UTP4: variants seen among roughly 807,000 people sequenced by gnomAD.
The protein encoded by UTP4 is UTP4 small subunit processome component, also known as U3 small nucleolar RNA-associated protein 4 homolog.
In UTP4, 45 loss-of-function variants were observed where a neutral mutation model predicts 82.4. The ratio of observed to expected loss-of-function variants is 0.55; its 90% CI spans 0.43 to 0.70. UTP4 has a LOEUF of 0.70. UTP4 is among the 30% of genes least tolerant of loss of function. UTP4 has a pLI of 0.00. For missense variants in UTP4, 819 were observed against 858.3 expected (o/e 0.95, Z 0.57); for synonymous variants, 348 against 300.3 (o/e 1.16, Z -1.64).
chr16:69,137,997 G>A, intron 4 of UTP4, 112 bp downstream of exon 4: 1 of 756,988 alleles, frequency 1.3e-6, no homozygotes, highest in Non-Finnish European at 2.3e-6. Context: ...TATCTCTACT[G>A]GGTACAGGGA....
chr16:69,155,066 G>GA (rs139040845), intron 10 of UTP4, among the ~76,000 whole-genome samples: 3,510 of 150,930 alleles, frequency 0.023, 141 homozygotes, highest in African/African-American at 0.08. Context: ...GGTATACAAT[G>GA]AAAAAAAAAT....
intron 16 of UTP4, among the ~76,000 whole-genome samples, 192 bp from the exon 17 acceptor site, chr16:69,168,629 A>G (rs1963761979): frequency 6.6e-6 from 1 of 151,874 alleles, no homozygotes; most frequent in African/African-American, 2.4e-5. Context: ...TCTCTAAAAA[A>G]TAAAAAAAAA....
At chr16:69,159,943 C>T (rs1963520713) in intron 12 of UTP4, among the ~76,000 whole-genome samples, 1 of 151,144 alleles carries the variant, frequency 6.6e-6, no homozygotes, top group African/African-American at 2.4e-5. Context: ...AGCGGATCCG[C>T]CACTGCACTC....
rs372278453 is a variant in UTP4, at chr16:69,143,408, T to G, written c.738+19T>G. 1 of 1,610,156 alleles carries G rather than the reference T, an allele frequency of 6.2e-7. No homozygotes were observed. Among genetic ancestry groups the G allele is most frequent in the East Asian group, 2.2e-5 (1 of 44,866 alleles). ...AGCTGACGTGAGTACAGTCCCTGTT[T>G]AGAGTGGTTGATGTACACCCTTGTG... On this transcript the variant is annotated intron_variant, in intron 6 of 16. Coordinates refer to ENST00000314423, the MANE Select transcript of UTP4 (RefSeq NM_032830.3).
rs775873709 is a variant in UTP4, at chr16:69,143,240, A to G, written c.589A>G (p.Ile197Val). The G allele has an allele frequency of 3.1e-6, 5 of 1,614,250 alleles. No individual in the cohort carries two copies. The South Asian group carries it at 4.4e-5, about 14-fold the overall frequency. Residue 197 changes from isoleucine to valine, a missense_variant, in exon 6 of 17, where the codon ATC (isoleucine) becomes GTC (valine). Transcript: ENST00000314423. Reference sequence around the variant, plus strand: ...TATGGGCGTGTCTAAGCGGAAGTGCATCGTGTGGGGTGTCGCCTTCTTGTC... The same window carrying G: ...TATGGGCGTGTCTAAGCGGAAGTGCGTCGTGTGGGGTGTCGCCTTCTTGTC... The part of the protein sequence containing the change: ...QYMGVSKRKC[I>V]VWGVAFLSDG...
intron 13 of UTP4, 139 bp from the exon 14 acceptor site, chr16:69,162,944 G>C (rs1312290495): frequency 2.7e-6 from 2 of 746,592 alleles, no homozygotes; most frequent in Non-Finnish European, 4.9e-6. Context: ...TTGGGGAAAT[G>C]CCTGAAATTT....
intron 13 of UTP4, 32 bp from the exon 14 acceptor site, chr16:69,163,051 A>G (rs1262049336): frequency 1.3e-6 from 2 of 1,516,006 alleles, no homozygotes; most frequent in Non-Finnish European, 1.8e-6. Context: ...TGTCACTTAG[A>G]GTTGCCACTT....
chr16:69,167,893 A>G (rs956368665), intron 16 of UTP4: 1 of 152,192 alleles, frequency 6.6e-6, no homozygotes, highest in Non-Finnish European at 1.5e-5. Flanking sequence ...GCATGCCTGT[A>G]GTCCCAGCTG....
chr16:69,143,073 GCCTTAAACT>G (rs1963007434), intron 5 of UTP4, 96 bp from the exon 6 acceptor site: 1 of 1,179,930 alleles, frequency 8.5e-7, no homozygotes, highest in Non-Finnish European at 1.3e-6. Context: ...GCCTAGGCTG[GCCTTAAACT>G]CCAGGGCTCA....
At chr16:69,157,271 C>T (rs376611020) in intron 12 of UTP4, 31 bp downstream of exon 12, 3 of 1,611,096 alleles carry the variant, frequency 1.9e-6, no homozygotes. Flanking sequence ...CATGGGGAGA[C>T]TTGTCGTGTC....
intron 11 of UTP4, among the ~76,000 whole-genome samples, chr16:69,156,759 C>T (rs759348483): frequency 2.0e-5 from 3 of 152,230 alleles, no homozygotes; most frequent in Non-Finnish European, 2.9e-5. Context: ...GCCCGGCCCA[C>T]ACCCAGCCTT....
chr16:69,165,283 G>A, intron 14 of UTP4, 58 bp from the exon 15 acceptor site: 1 of 1,428,478 alleles, frequency 7.0e-7, no homozygotes, highest in South Asian at 1.1e-5. Context: ...GGATGAGAAT[G>A]CCCTTCTGGT....
intron 15 of UTP4, chr16:69,165,773 T>C: frequency 1.7e-6 from 1 of 596,316 alleles, no homozygotes; most frequent in African/African-American, 1.9e-5. Flanking sequence ...TTTTGCTGAT[T>C]TGACTATTTG....
At chr16:69,160,314 A>G in intron 12 of UTP4, 42 bp from the exon 13 acceptor site, 1 of 1,500,122 alleles carries the variant, frequency 6.7e-7, no homozygotes, top group Non-Finnish European at 9.3e-7. Context: ...CTGGCTGTGG[A>G]CACTGTGTGA....
chr16:69,161,922 C>T (rs922201950), intron 13 of UTP4, among the ~76,000 whole-genome samples: 10 of 151,616 alleles, frequency 6.6e-5, no homozygotes, highest in South Asian at 2.1e-4. Flanking sequence ...CTGGCCCTTC[C>T]GAAGTGCTGT....
intron 6 of UTP4, among the ~76,000 whole-genome samples, chr16:69,148,523 C>T (rs1411992718): frequency 2.0e-5 from 3 of 152,124 alleles, no homozygotes; most frequent in Non-Finnish European, 4.4e-5. Context: ...TGAGCCACCA[C>T]GCCTGGCCCT....
At chr16:69,154,028 AAG>A (rs1057159020) in intron 9 of UTP4, among the ~76,000 whole-genome samples, 1 of 152,124 alleles carries the variant, frequency 6.6e-6, no homozygotes, top group Non-Finnish European at 1.5e-5. Flanking sequence ...CCTGTAGAAA[AAG>A]AAGATCACAT....
At chr16:69,156,629 T>G (rs1414924291) in intron 11 of UTP4, among the ~76,000 whole-genome samples, 1 of 151,918 alleles carries the variant, frequency 6.6e-6, no homozygotes, top group Non-Finnish European at 1.5e-5. Flanking sequence ...TGGCTACTTT[T>G]TGTATTTTTA....
At position 69,156,991 on chromosome 16, in the gene UTP4, A is replaced by G. The variant is rs1224877489; in HGVS notation, c.1288-93A>G. 12 of 1,332,606 alleles carry G rather than the reference A, an allele frequency of 9.0e-6. No homozygotes were observed. In the East Asian group the frequency reaches 2.8e-4, roughly 31 times the overall value. The allele number at this position is 1,332,606 out of a possible 1,614,324, so 82.5% of individuals were successfully genotyped here. On this transcript the variant is annotated intron_variant, in intron 11 of 16. Coordinates refer to ENST00000314423, the MANE Select transcript of UTP4 (RefSeq NM_032830.3). ...TCAGTTGGCTTACTTAGAGACAGGA[A>G]GCATTAATGTACCTTAAGCCTAGCT...
Sources: allele counts gnomAD v4.1 joint callset (sites outside exome capture counted in the v4.1 genomes callset), GRCh38; gene constraint gnomAD v4.1.1; transcripts MANE v1.5; gene names NCBI Gene and HGNC (gene_info 2026-07-23, HGNC 2026-07-21).